The following SKAP1 variants were observed in gnomAD, a reference collection of about 807,000 sequenced individuals.
SKAP1 encodes the protein src kinase-associated phosphoprotein 1.
Under a neutral mutation model 58.5 loss-of-function variants are expected in SKAP1, and 44 were observed. The ratio of observed to expected loss-of-function variants is 0.75; its 90% CI spans 0.59 to 0.97. The LOEUF is 0.97. Among genes scored for constraint, SKAP1 ranks in the 50% least tolerant of loss-of-function variants. SKAP1 has a pLI of 0.00. For missense variants in SKAP1, 390 were observed against 435.2 expected, an observed-to-expected ratio of 0.90 and a Z score of 0.92; for synonymous variants, 127 against 149.7, an observed-to-expected ratio of 0.85 and a Z score of 1.11.
At position 48,199,107 on chromosome 17, in the gene SKAP1, A is replaced by G. The variant is rs530616759; in HGVS notation, c.281-9607T>C. Among the ~76,000 whole-genome samples, 6 of 152,332 alleles carry G rather than the reference A, an allele frequency of 3.9e-5. No homozygotes were observed. The South Asian group carries it at 1.2e-3, about 32-fold the overall frequency. On this transcript the variant is annotated intron_variant, in intron 4 of 12. Coordinates refer to ENST00000336915, the MANE Select transcript of SKAP1 (RefSeq NM_003726.4). Reference sequence around the variant, plus strand: ...ATTTACTATGCCACTGGACTGTGATAAGAGCACAGAGAAAAGGAAATAAAA... The same window carrying G: ...ATTTACTATGCCACTGGACTGTGATGAGAGCACAGAGAAAAGGAAATAAAA...
intron 1 of SKAP1, among the ~76,000 whole-genome samples, chr17:48,407,460 A>C (rs1265632340): frequency 6.6e-6 from 1 of 152,246 alleles, no homozygotes; most frequent in East Asian, 1.9e-4. Flanking sequence ...CTTTGATTTA[A>C]TCACAAGTGC....
intron 11 of SKAP1, chr17:48,156,430 G>A (rs752166614): frequency 9.5e-6 from 5 of 524,362 alleles, no homozygotes; most frequent in South Asian, 5.7e-5. Flanking sequence ...GAGGAGACCT[G>A]CACCAGCGCC....
upstream of SKAP1, among the ~76,000 whole-genome samples, chr17:48,431,171 A>G (rs77364381): frequency 0.045 from 6,796 of 152,288 alleles, 465 homozygotes; most frequent in African/African-American, 0.15. Flanking sequence ...GAGGCCAGGC[A>G]TTGTGGCTCA....
In SKAP1 at chr17:48,341,866, G is replaced by A. The variant is rs751228030; in HGVS notation, c.280+4039C>T. On this transcript the variant is annotated intron_variant, in intron 4 of 12. Transcript: ENST00000336915. ...CATTCACCCATTCTTTAATTAGAACGTAAACATATATAACAAATAAATACA... is the reference window on the plus strand; with the variant it reads ...CATTCACCCATTCTTTAATTAGAACATAAACATATATAACAAATAAATACA... Among the ~76,000 whole-genome samples, 30 of 152,214 alleles carry A rather than the reference G, an allele frequency of 2.0e-4. 1 individual carries two copies. Among genetic ancestry groups the A allele is most frequent in the Admixed American group, 8.5e-4 (13 of 15,296 alleles).
chr17:48,269,594 G>A (rs1353102996), intron 4 of SKAP1, among the ~76,000 whole-genome samples: 6 of 151,574 alleles, frequency 4.0e-5, no homozygotes, highest in Non-Finnish European at 8.8e-5. Context: ...TTCATTTAGA[G>A]ATTCATTCAT....
At chr17:48,421,024 C>G (rs1267431483) in intron 1 of SKAP1, among the ~76,000 whole-genome samples, 2 of 152,134 alleles carry the variant, frequency 1.3e-5, no homozygotes, top group Non-Finnish European at 2.9e-5. Flanking sequence ...AGCAGGGAAG[C>G]CTGGAGGGAA....
chr17:48,405,384 T>C (rs932145475), intron 1 of SKAP1, among the ~76,000 whole-genome samples: 1 of 151,582 alleles, frequency 6.6e-6, no homozygotes, highest in African/African-American at 2.4e-5. Flanking sequence ...TTTTCTTTTT[T>C]TCTCTTTCCT....
chr17:48,277,242 T>C (rs890242425), intron 4 of SKAP1, among the ~76,000 whole-genome samples: 1 of 152,240 alleles, frequency 6.6e-6, no homozygotes, highest in Non-Finnish European at 1.5e-5. Context: ...GTGTTATTTA[T>C]AGTTAAATTT....
chr17:48,163,041 G>A (rs1317058083), intron 10 of SKAP1, among the ~76,000 whole-genome samples: 5 of 152,056 alleles, frequency 3.3e-5, no homozygotes, highest in African/African-American at 4.8e-5. Context: ...CTCACTTTTC[G>A]GCCTTCTTTG....
intron 4 of SKAP1, among the ~76,000 whole-genome samples, chr17:48,229,670 G>T (rs2065106976): frequency 6.6e-6 from 1 of 152,010 alleles, no homozygotes; most frequent in African/African-American, 2.4e-5. Context: ...TAAAATATTT[G>T]CAGTTTTTTT....
chr17:48,170,752 T>TAG (rs1292026955), intron 9 of SKAP1, 93 bp from the exon 10 acceptor site: 31 of 1,110,614 alleles, frequency 2.8e-5, no homozygotes, highest in African/African-American at 2.7e-4. Context: ...CTCTGTTGTC[T>TAG]AGGCTGAAGT....
rs2063664757 is a variant in SKAP1, at chr17:48,133,551, T to C, written c.*273A>G. On this transcript the variant is annotated 3_prime_UTR_variant, in exon 13 of 13. Transcript: ENST00000336915. The stretch of plus-strand genomic sequence containing the variant: ...CTCTCTCACCTTCTTTGTGAAAAGC[T>C]TGTGGAAAAGGCAGATGTGGTTGTG... 6.6e-6 allele frequency: 1 copy of C among 152,282 alleles called. No individual in the cohort carries two copies. The highest frequency in any genetic ancestry group is 2.4e-5 in the African/African-American group (1 of 41,476). 9.4% of individuals were successfully genotyped at this position (152,282 alleles called of 1,614,324 possible). A position where few individuals can be genotyped will look rare whatever the true frequency, so the allele number is the denominator to read the frequency against.
At position 48,368,151 on chromosome 17, in the gene SKAP1, C is replaced by A. The variant is rs192079245; in HGVS notation, c.153-4337G>T. Among the ~76,000 whole-genome samples, 4 of 152,216 alleles carry A rather than the reference C, an allele frequency of 2.6e-5. No individual in the cohort carries two copies. In the East Asian group the frequency reaches 7.7e-4, roughly 29 times the overall value. On this transcript the variant is annotated intron_variant, in intron 2 of 12. Coordinates refer to ENST00000336915, the MANE Select transcript of SKAP1 (RefSeq NM_003726.4). ...CAAAGAACACTTCTAAAAGGAAAGCCCAAAAGGTGAGCAATCACATCCCTC... is the reference window on the plus strand; with the variant it reads ...CAAAGAACACTTCTAAAAGGAAAGCACAAAAGGTGAGCAATCACATCCCTC...
intron 2 of SKAP1, 60 bp downstream of exon 2, chr17:48,396,620 A>C (rs548073992): frequency 2.8e-6 from 3 of 1,083,768 alleles, no homozygotes; most frequent in Non-Finnish European, 4.2e-6. Context: ...ACTTTATTTT[A>C]CTGATTATAA....
intron 4 of SKAP1, among the ~76,000 whole-genome samples, chr17:48,325,771 T>C (rs1359259616): frequency 6.6e-6 from 1 of 152,230 alleles, no homozygotes; most frequent in Admixed American, 6.5e-5. Flanking sequence ...AAATAGGAAG[T>C]GTCCGGGATT....
At chr17:48,171,555 G>A (rs535846843) in intron 9 of SKAP1, among the ~76,000 whole-genome samples, 2 of 152,140 alleles carry the variant, frequency 1.3e-5, no homozygotes, top group Non-Finnish European at 2.9e-5. Context: ...AAACAAGACT[G>A]TCAGAGTTCC....
At chr17:48,317,701 C>T (rs756551153) in intron 4 of SKAP1, among the ~76,000 whole-genome samples, 1 of 152,134 alleles carries the variant, frequency 6.6e-6, no homozygotes. Flanking sequence ...CAGGTCACTT[C>T]GAGGTCTGAA....
intron 9 of SKAP1, among the ~76,000 whole-genome samples, chr17:48,174,657 T>A (rs1417143618): frequency 6.6e-6 from 1 of 152,222 alleles, no homozygotes; most frequent in East Asian, 1.9e-4. Flanking sequence ...TTGAAAAATA[T>A]TTTTTAGGCT....
intron 5 of SKAP1, 92 bp downstream of exon 5, chr17:48,189,331 G>T: frequency 2.0e-6 from 2 of 1,007,780 alleles, no homozygotes; most frequent in Non-Finnish European, 3.0e-6. Flanking sequence ...ACAGTACCGG[G>T]CACAGAGAAG....
Sources: allele counts gnomAD v4.1 joint callset (sites outside exome capture counted in the v4.1 genomes callset), GRCh38; gene constraint gnomAD v4.1.1; transcripts MANE v1.5; gene names NCBI Gene and HGNC (gene_info 2026-07-23, HGNC 2026-07-21).